Variants in PAN2 observed in about 807,000 individuals in gnomAD.
PAN2 encodes poly(A) specific ribonuclease subunit PAN2, also known as PAN2-PAN3 deadenylation complex catalytic subunit PAN2.
Under a neutral mutation model 133.3 loss-of-function variants are expected in PAN2, and 68 were observed. That is an observed-to-expected ratio of 0.51 (90% CI 0.42 to 0.62). The LOEUF (loss-of-function observed/expected upper bound fraction) is 0.62, where lower values mean the gene tolerates loss of function less well. Among genes scored for constraint, PAN2 ranks in the 20% least tolerant of loss-of-function variants. The pLI, the probability that PAN2 is intolerant of heterozygous loss-of-function variation, is 0.00. For synonymous variants in PAN2, 462 were observed against 544.6 expected (o/e 0.85, Z 2.11); for missense variants, 1,042 against 1,500.5 (o/e 0.69, Z 5.05).
In PAN2 at chr12:56,323,369, C is replaced by A. The variant is rs557204599; in HGVS notation, c.2287G>T (p.Ala763Ser). Residue 763 changes from alanine (A) to serine (S), a missense_variant, in exon 16 of 26, where the codon GCA becomes TCA. By Grantham distance (99) the Ala-to-Ser change is moderately conservative. Around this residue, in one of 3 missense-constraint regions of PAN2, gnomAD observed 908 missense variants for 1,223.5 expected, o/e 0.74. Coordinates refer to ENST00000440411, the MANE Select transcript of PAN2 (RefSeq NM_014871.6). ...ATTTCCCCACCGTGTTTCTTTACTG[C>A]CATCTTGAAGGCAACCTGAACACAG... is the stretch of plus-strand genomic sequence containing the variant. Reference protein sequence around the residue: ...RMQAEVAFKMAVKKHGGEISK... With the variant: ...RMQAEVAFKMSVKKHGGEISK... 20 of 1,613,824 alleles carry A rather than the reference C, an allele frequency of 1.2e-5. No individual in the cohort carries two copies. The East Asian group carries it at 4.5e-4, about 36-fold the overall frequency.
rs1874039240 is a variant in PAN2 at position 56,317,452 on chromosome 12, T to C, written c.*157A>G. ...TAGAACCTTTGCAACAATTCTGCTGTGTTCCAGTTCAATTAATAGCACCAT... is the reference window on the plus strand; with the variant it reads ...TAGAACCTTTGCAACAATTCTGCTGCGTTCCAGTTCAATTAATAGCACCAT... On this transcript the variant is annotated 3_prime_UTR_variant, in exon 26 of 26. Transcript: ENST00000440411. 1.5e-6 allele frequency: 1 copy of C among 653,980 alleles called. No individual in the cohort carries two copies. The highest frequency in any genetic ancestry group is 2.8e-6 in the Non-Finnish European group (1 of 360,960). 40.5% of individuals were successfully genotyped at this position (653,980 alleles called of 1,614,324 possible).
At chr12:56,328,403 G>A in intron 3 of PAN2, 45 bp from the exon 4 acceptor site, 1 of 1,599,148 alleles carries the variant, frequency 6.3e-7, no homozygotes, top group Non-Finnish European at 8.5e-7. Context: ...CTTACAAGCT[G>A]CCAATCCCTT....
rs768577660 is a variant in PAN2, at chr12:56,323,540, T to A, written c.2231A>T (p.Asn744Ile). 1 of 1,614,188 alleles carries A rather than the reference T, an allele frequency of 6.2e-7. No homozygotes were observed. The highest frequency in any genetic ancestry group is 1.7e-5 in the Admixed American group (1 of 60,026). Residue 744 changes from asparagine to isoleucine, a missense_variant, in exon 15 of 26, where the codon AAC (asparagine) becomes ATC (isoleucine). By Grantham distance (149) the Asn-to-Ile change is moderately radical. Around this residue, in one of 3 missense-constraint regions of PAN2, gnomAD observed 908 missense variants for 1,223.5 expected, o/e 0.74. Transcript: ENST00000440411. ...CCAGAAATCAGCCTCTTTTGAGCTGTTCACCTCACAATTGATGACAAGAAT... is the reference window on the plus strand; with the variant it reads ...CCAGAAATCAGCCTCTTTTGAGCTGATCACCTCACAATTGATGACAAGAAT... ...PDILVINCEV[N>I]SSKEADFWRM...
intron 6 of PAN2, 94 bp downstream of exon 6, chr12:56,327,270 C>G (rs186114521): frequency 1.5e-6 from 2 of 1,373,284 alleles, no homozygotes; most frequent in Non-Finnish European, 1.0e-6. Context: ...TACTTCTTTC[C>G]CCAACAAAGA....
intron 6 of PAN2, 42 bp from the exon 7 acceptor site, chr12:56,327,001 A>G (rs757885539): frequency 2.6e-6 from 4 of 1,514,896 alleles, no homozygotes. Flanking sequence ...AGAAAGTGAA[A>G]GGGAGCCATA....
At chr12:56,322,803 G>A (rs902562397) in intron 17 of PAN2, 45 bp from the exon 18 acceptor site, 1 of 1,586,522 alleles carries the variant, frequency 6.3e-7, no homozygotes, top group Admixed American at 1.7e-5. Context: ...TTAAGGATGG[G>A]GAAGGGAGGG....
chr12:56,329,103 C>T (rs1231186378), intron 2 of PAN2, among the ~76,000 whole-genome samples: 1 of 152,040 alleles, frequency 6.6e-6, no homozygotes, highest in African/African-American at 2.4e-5. Context: ...GGAACCAATC[C>T]CACATGGATA....
At position 56,333,031 on chromosome 12, in the gene PAN2, C is replaced by T; in HGVS notation, c.64G>A (p.Asp22Asn). ...EYAPAMHSAL[D>N]PVLDAHLNPS... is the part of the protein sequence containing the mutation. ...TTCAGGTGGGCATCCAAGACAGGGT[C>T]CAGGGCAGAATGCATGGCTGGGGCA... The change falls in exon 2 of 26, where the codon GAC (aspartate) becomes AAC (asparagine). Residue 22 changes from aspartate (D) to asparagine (N), a missense_variant. Around this residue, in one of 3 missense-constraint regions of PAN2, gnomAD observed 908 missense variants for 1,223.5 expected, o/e 0.74. Coordinates refer to ENST00000440411, the MANE Select transcript of PAN2 (RefSeq NM_014871.6). 6.2e-7 allele frequency: 1 copy of T among 1,614,138 alleles called. No homozygotes were observed. The highest frequency in any genetic ancestry group is 8.5e-7 in the Non-Finnish European group (1 of 1,180,002).
chr12:56,325,358 T>A lies in PAN2; in HGVS notation c.1456A>T (p.Met486Leu). The A allele has an allele frequency of 1.9e-6, 3 of 1,614,144 alleles. No homozygotes were observed. Among genetic ancestry groups the A allele is most frequent in the Non-Finnish European group, 1.7e-6 (2 of 1,180,006 alleles). ...VGREEEPHLH[M>L]VSKKYRKVTI... ...ACCTTGCGGTATTTCTTAGAAACCA[T>A]GTGGAGATGTGGTTCCTCTTCTCGT... Residue 486 changes from methionine (M) to leucine (L), a missense_variant, in exon 9 of 26, where the codon ATG becomes TTG. Transcript: ENST00000440411.
chr12:56,332,752 G>T, intron 2 of PAN2, 61 bp downstream of exon 2: 1 of 1,556,314 alleles, frequency 6.4e-7, no homozygotes, highest in Non-Finnish European at 8.8e-7. Context: ...GCTTCCTTGG[G>T]TTAAGACCAG....
At chr12:56,324,755 G>T in intron 10 of PAN2, 46 bp from the exon 11 acceptor site, 1 of 1,588,922 alleles carries the variant, frequency 6.3e-7, no homozygotes, top group African/African-American at 1.4e-5. Context: ...TGGCCTGGGG[G>T]TGAGGAGAAA....
Position 56,317,562 on chromosome 12 carries a change from C to CTA in PAN2, c.*45_*46dup, listed in dbSNP as rs751514526. 471 of 1,569,132 alleles carry CTA rather than the reference C, an allele frequency of 3.0e-4. 1 individual carries two copies. The highest frequency in any genetic ancestry group is 4.1e-4 in the Non-Finnish European group (463 of 1,140,010). Reference sequence around the variant, plus strand: ...AGGAAGCCATCTCCCAGTTCTGGGGCTATAGAACAGTAAAGGGAGAGGGCC... The same window carrying CTA: ...AGGAAGCCATCTCCCAGTTCTGGGGCTATATAGAACAGTAAAGGGAGAGGGCC... On this transcript the variant is annotated 3_prime_UTR_variant, in exon 26 of 26. Coordinates refer to ENST00000440411, the MANE Select transcript of PAN2 (RefSeq NM_014871.6).
At chr12:56,322,370 G>A in intron 19 of PAN2, 53 bp downstream of exon 19, 2 of 1,434,486 alleles carry the variant, frequency 1.4e-6, no homozygotes, top group South Asian at 1.1e-5. Context: ...CTAAAGATAA[G>A]GATGCTAGGA....
rs940286730 is a variant in PAN2, at chr12:56,326,320, C to T, written c.1352G>A (p.Arg451His). 5 of 1,598,174 alleles carry T rather than the reference C, an allele frequency of 3.1e-6. No homozygotes were observed. Among genetic ancestry groups the T allele is most frequent in the East Asian group, 2.2e-5 (1 of 44,460 alleles). ...GYAPNPRTRL[R>H]NQIPYRLKES... is the part of the protein sequence containing the mutation. ...CCTCCACTCTGAACACACCTGATTG[C>T]GCAGCCTGGTGCGGGGATTGGGCGC... Residue 451 changes from arginine to histidine, a missense_variant, in exon 8 of 26, where the codon CGC becomes CAC. Physicochemically the swap from Arg to His is conservative, Grantham distance 29 (BLOSUM62 0). Around this residue, in one of 3 missense-constraint regions of PAN2, gnomAD observed 908 missense variants for 1,223.5 expected, o/e 0.74. Transcript: ENST00000440411.
At chr12:56,332,747 C>T in intron 2 of PAN2, 66 bp downstream of exon 2, 7 of 1,538,396 alleles carry the variant, frequency 4.6e-6, no homozygotes, top group Non-Finnish European at 5.3e-6. Context: ...AAGCAGCTTC[C>T]TTGGGTTAAG....
intron 6 of PAN2, 43 bp downstream of exon 6, chr12:56,327,321 T>G: frequency 6.3e-7 from 1 of 1,599,172 alleles, no homozygotes; most frequent in South Asian, 1.1e-5. Flanking sequence ...AGCTCTCCTT[T>G]GCTCATCGAT....
In PAN2 at chr12:56,319,020, T is replaced by G; in HGVS notation, c.3364+68A>C. ...ATCCATGTTGCCGCAAAGAACATGA[T>G]TTCTTTTTTTTTAAATGGCTGCTTC... On this transcript the variant is annotated intron_variant, in intron 24 of 25. Coordinates refer to ENST00000440411, the MANE Select transcript of PAN2 (RefSeq NM_014871.6). The surrounding 1 kb of genome is among the most constrained non-coding windows in gnomAD (Gnocchi z 5.4). 4 of 1,471,512 alleles carry G rather than the reference T, an allele frequency of 2.7e-6. No homozygotes were observed. The highest frequency in any genetic ancestry group is 3.8e-6 in the Non-Finnish European group (4 of 1,051,334). The allele number at this position is 1,471,512 out of a possible 1,614,324, so 91.2% of individuals were successfully genotyped here.
chr12:56,321,938 A>T, intron 20 of PAN2, 140 bp downstream of exon 20: 2 of 547,018 alleles, frequency 3.7e-6, no homozygotes. Context: ...TTAAGGTCTG[A>T]TGAGCAGGAA....
In PAN2 at chr12:56,324,681, C is replaced by G; in HGVS notation, c.1628G>C (p.Cys543Ser). The G allele has an allele frequency of 6.2e-7, 1 of 1,614,080 alleles. No individual in the cohort carries two copies. Among genetic ancestry groups the G allele is most frequent in the Non-Finnish European group, 8.5e-7 (1 of 1,180,000 alleles). The change falls in exon 11 of 26, where the codon TGT (cysteine) becomes TCT (serine). Residue 543 changes from cysteine (C) to serine (S), a missense_variant. Around this residue, in one of 3 missense-constraint regions of PAN2, gnomAD observed 908 missense variants for 1,223.5 expected, o/e 0.74. Coordinates refer to ENST00000440411, the MANE Select transcript of PAN2 (RefSeq NM_014871.6). ...QVLYFLEPVRCLIQNHLCQKE... is the reference protein window; with the variant it reads ...QVLYFLEPVRSLIQNHLCQKE... ...CTGGCAAAGGTGGTTTTGAATTAGA[C>G]AGCGTACAGGCTCCAGGAAATAGAG...
Sources: allele counts gnomAD v4.1 joint callset (sites outside exome capture counted in the v4.1 genomes callset), GRCh38; gene constraint gnomAD v4.1.1; regional missense constraint gnomAD v4.1.1; non-coding constraint Gnocchi (gnomAD v3.1); transcripts MANE v1.5; gene names NCBI Gene and HGNC (gene_info 2026-07-23, HGNC 2026-07-21).